Variants in SEC24B observed in about 807,000 individuals in gnomAD.
SEC24B encodes protein transport protein Sec24B.
A neutral mutation model predicts 142.8 loss-of-function variants in SEC24B; 45 were observed. The observed-to-expected ratio is 0.32, with a 90% CI of 0.25 to 0.40. SEC24B has a LOEUF of 0.40. Ranked by LOEUF, SEC24B falls within the 10% of genes least tolerant of loss-of-function variation. The pLI is 1.00. For synonymous variants in SEC24B, 574 were observed against 568.2 expected, an observed-to-expected ratio of 1.01 and a Z score of -0.15; for missense variants, 1,409 against 1,526.8, an observed-to-expected ratio of 0.92 and a Z score of 1.29.
chr4:109,445,772 A>G (rs571367068), intron 1 of SEC24B, among the ~76,000 whole-genome samples: 4 of 148,502 alleles, frequency 2.7e-5, no homozygotes, highest in Admixed American at 1.4e-4. Context: ...AAGTCTTACT[A>G]TGTTGCCTGG....
In SEC24B at chr4:109,523,549, G is replaced by T. The variant is rs530927452; in HGVS notation, c.2509-1269G>T. On this transcript the variant is annotated intron_variant, in intron 14 of 23. Transcript: ENST00000265175. ...GAACATTACTTGGGTTTTATGTGAA[G>T]ATTTGGTCAGGCATTTTTAAGCCCT... Among the ~76,000 whole-genome samples the T allele has an allele frequency of 2.1e-3, 318 of 152,242 alleles. 1 individual carries two copies. The highest frequency in any genetic ancestry group is 7.4e-3 in the African/African-American group (309 of 41,538).
At chr4:109,495,423 G>A (rs2126011781) in intron 6 of SEC24B, among the ~76,000 whole-genome samples, 1 of 152,244 alleles carries the variant, frequency 6.6e-6, no homozygotes, top group Admixed American at 6.5e-5. Context: ...GAAAATTTAG[G>A]ATGCAGACAC....
intron 1 of SEC24B, among the ~76,000 whole-genome samples, chr4:109,455,194 G>T (rs1730538277): frequency 6.6e-6 from 1 of 152,022 alleles, no homozygotes. Context: ...GTCAATCCCA[G>T]ATTCCCTTCA....
chr4:109,525,581 TCTGA>T (rs1271162769), intron 16 of SEC24B, 77 bp downstream of exon 16: 26 of 925,896 alleles, frequency 2.8e-5, no homozygotes, highest in Non-Finnish European at 4.1e-5. Flanking sequence ...ATTGACTACC[TCTGA>T]CTGTTCATGA....
intron 1 of SEC24B, among the ~76,000 whole-genome samples, chr4:109,448,240 ATAAT>A (rs1729667473): frequency 6.6e-6 from 1 of 152,110 alleles, no homozygotes; most frequent in Non-Finnish European, 1.5e-5. Flanking sequence ...GTCATGTTAA[ATAAT>A]TTGAATTTTT....
intron 22 of SEC24B, among the ~76,000 whole-genome samples, chr4:109,535,992 C>G (rs1043931888): frequency 4.6e-5 from 7 of 152,098 alleles, no homozygotes; most frequent in Non-Finnish European, 1.0e-4. Context: ...GCTGGCCTAG[C>G]TTATTGTTAG....
In SEC24B at chr4:109,510,005, G is replaced by A. The variant is rs369601947; in HGVS notation, c.1674-4G>A. 7.0e-6 allele frequency: 11 copies of A among 1,572,268 alleles called. No homozygotes were observed. The African/African-American group carries it at 1.5e-4, about 22-fold the overall frequency. ...ATCCTCCATGTTGTTTATGTTTTTTGCAGTTCATTTCGGTGTACTTTGACA... is the reference window on the plus strand; with the variant it reads ...ATCCTCCATGTTGTTTATGTTTTTTACAGTTCATTTCGGTGTACTTTGACA... On this transcript the variant is annotated splice_region_variant and splice_polypyrimidine_tract_variant and intron_variant, in intron 7 of 23. Transcript: ENST00000265175.
intron 1 of SEC24B, among the ~76,000 whole-genome samples, chr4:109,441,645 T>C (rs1728939311): frequency 6.6e-6 from 1 of 152,170 alleles, no homozygotes; most frequent in Non-Finnish European, 1.5e-5. Context: ...TTGCCCAGGC[T>C]CAAGTGATTC....
intron 1 of SEC24B, among the ~76,000 whole-genome samples, chr4:109,451,645 A>G (rs984599987): frequency 1.3e-5 from 2 of 152,082 alleles, no homozygotes; most frequent in Middle Eastern, 3.2e-3. Context: ...AATCAGCCCT[A>G]TGTCCAAGGG....
At chr4:109,512,750 G>A (rs1297239909) in intron 9 of SEC24B, among the ~76,000 whole-genome samples, 1 of 151,396 alleles carries the variant, frequency 6.6e-6, no homozygotes, top group African/African-American at 2.4e-5. Flanking sequence ...TGCTTTCCAG[G>A]TTCAAGCTAT....
chr4:109,469,341 C>T (rs1261964226), intron 2 of SEC24B, among the ~76,000 whole-genome samples: 2 of 152,050 alleles, frequency 1.3e-5, no homozygotes, highest in Non-Finnish European at 2.9e-5. Context: ...CCAACAAATA[C>T]GTGAAAGCTA....
At chr4:109,434,819 A>G (rs1462113093) in intron 1 of SEC24B, among the ~76,000 whole-genome samples, 1 of 152,224 alleles carries the variant, frequency 6.6e-6, no homozygotes, top group African/African-American at 2.4e-5. Context: ...TCATACAGGC[A>G]GCAGCCAAAT....
In SEC24B at chr4:109,463,478, A is replaced by G; in HGVS notation, c.711A>G (p.Pro237=). Residue 237 remains proline (P), a synonymous_variant, in exon 2 of 24, where the codon CCA becomes CCG. Coordinates refer to ENST00000265175, the MANE Select transcript of SEC24B (RefSeq NM_006323.5). The part of the protein sequence containing the change: ...FSGQNTAISH[P]SPLPPLPSQQ... ...GTCAAAATACAGCTATCAGCCATCC[A>G]TCGCCACTTCCACCTCTACCATCAC... 1 of 1,614,196 alleles carries G rather than the reference A, an allele frequency of 6.2e-7. No homozygotes were observed. The highest frequency in any genetic ancestry group is 1.3e-5 in the African/African-American group (1 of 75,036).
chr4:109,434,233 C>T (rs1189360527), intron 1 of SEC24B, among the ~76,000 whole-genome samples: 3 of 101,720 alleles, frequency 2.9e-5, no homozygotes, highest in African/African-American at 1.1e-4. Context: ...GGCGTGGGGG[C>T]GGGGGCCGGC....
intron 7 of SEC24B, among the ~76,000 whole-genome samples, chr4:109,507,564 G>A (rs756563929): frequency 3.3e-5 from 5 of 152,026 alleles, no homozygotes; most frequent in African/African-American, 7.2e-5. Flanking sequence ...GTGATCCACC[G>A]CGCTTGGCCA....
At chr4:109,440,247 T>C (rs1728818568) in intron 1 of SEC24B, among the ~76,000 whole-genome samples, 1 of 152,190 alleles carries the variant, frequency 6.6e-6, no homozygotes, top group South Asian at 2.1e-4. Context: ...TTTCACTCCC[T>C]TCCTCTCCCC....
At position 109,494,710 on chromosome 4, in the gene SEC24B, G is replaced by A; in HGVS notation, c.1342G>A (p.Val448Ile). Residue 448 changes from valine to isoleucine, a missense_variant, in exon 6 of 24, where the codon GTC becomes ATC. Transcript: ENST00000265175. ...AGCTCCAGCTTCAGCTCCAGCTCCT[G>A]TCGTCCCTCAGCCTTCAAAAATGGC... ...APAPASAPAP[V>I]VPQPSKMAKP... The A allele has an allele frequency of 1.9e-6, 3 of 1,614,168 alleles. No individual in the cohort carries two copies. The highest frequency in any genetic ancestry group is 2.5e-6 in the Non-Finnish European group (3 of 1,180,046).
rs147845859 is a variant in SEC24B, at chr4:109,451,400, G to T, written c.134-11501G>T. On this transcript the variant is annotated intron_variant, in intron 1 of 23. Coordinates refer to ENST00000265175, the MANE Select transcript of SEC24B (RefSeq NM_006323.5). The stretch of plus-strand genomic sequence containing the variant: ...TAAAGAAATGGAGTCTCGCTGTGTT[G>T]CCCAGGCTGGTCTCAACCTCCTGCC... 7.8e-3 allele frequency among the ~76,000 whole-genome samples: 1,145 copies of T among 146,652 alleles called. 16 individuals carry two copies. The highest frequency in any genetic ancestry group is 0.026 in the African/African-American group (1,044 of 39,572).
chr4:109,488,822 G>A (rs6856291), intron 4 of SEC24B: 27,830 of 166,876 alleles, frequency 0.17, 2,672 homozygotes, highest in African/African-American at 0.27. Context: ...ATGTTATCTC[G>A]TTGTTTTGAT....
Sources: gnomAD v4.1 joint callset for allele counts (sites outside exome capture counted in the v4.1 genomes callset) on GRCh38, gnomAD v4.1.1 for gene constraint, MANE v1.5 for transcripts, NCBI Gene and HGNC (gene_info 2026-07-23, HGNC 2026-07-21) for gene names.